Variants in ZNHIT3 observed in about 807,000 individuals in gnomAD.
The protein encoded by ZNHIT3 is zinc finger HIT-type containing 3, also known as zinc finger HIT domain-containing protein 3.
A neutral mutation model predicts 19.9 loss-of-function variants in ZNHIT3; 27 were observed. The ratio of observed to expected loss-of-function variants is 1.36; its 90% confidence interval spans 1.00 to 1.87. The LOEUF is 1.87. Ranked by LOEUF, ZNHIT3 falls within the 40% of genes most tolerant of loss-of-function variation. The pLI, the probability that ZNHIT3 is intolerant of heterozygous loss-of-function variation, is 0.00. For synonymous variants in ZNHIT3, 81 were observed against 65.7 expected, an observed-to-expected ratio of 1.23 and a Z score of -1.13; for missense variants, 215 against 185.6, an observed-to-expected ratio of 1.16 and a Z score of -0.92.
intron 2 of ZNHIT3, among the ~76,000 whole-genome samples, chr17:36,487,762 G>C (rs570587243): frequency 7.4e-4 from 111 of 150,528 alleles, no homozygotes; most frequent in African/African-American, 2.6e-3. Flanking sequence ...CTGCACTCCA[G>C]CCTGGGCTAC....
At chr17:36,494,999 T>C (rs762946301) in intron 4 of ZNHIT3, among the ~76,000 whole-genome samples, 1 of 152,204 alleles carries the variant, frequency 6.6e-6, no homozygotes, top group African/African-American at 2.4e-5. Context: ...GTCTTACCTT[T>C]CATTTTATAG....
chr17:36,495,211 GTTAA>G lies in ZNHIT3; in HGVS notation c.287-9_287-6del. ...TGAACTCAGACTGGCTTTTTTTCTT[GTTAA>G]TTTTTAGGGGAATCTGCAACATTAA... On this transcript the variant is annotated splice_region_variant and splice_polypyrimidine_tract_variant and intron_variant, in intron 4 of 4. Transcript: ENST00000617429. The G allele has an allele frequency of 6.5e-7, 1 of 1,548,578 alleles. No individual in the cohort carries two copies. Among genetic ancestry groups the G allele is most frequent in the Non-Finnish European group, 8.7e-7 (1 of 1,151,310 alleles).
At chr17:36,492,346 G>T in intron 2 of ZNHIT3, 1 of 161,468 alleles carries the variant, frequency 6.2e-6, no homozygotes, top group Non-Finnish European at 1.3e-5. Context: ...ACATAGTCTT[G>T]CTAGGTTGCC....
intron 3 of ZNHIT3, 131 bp from the exon 4 acceptor site, chr17:36,493,795 T>C (rs2070783237): frequency 1.5e-6 from 1 of 665,638 alleles, no homozygotes; most frequent in Non-Finnish European, 2.7e-6. Context: ...TTTTTGTCTG[T>C]ACCTGCTTGA....
intron 4 of ZNHIT3, among the ~76,000 whole-genome samples, chr17:36,494,701 T>C (rs1296181989): frequency 6.6e-6 from 1 of 152,208 alleles, no homozygotes; most frequent in Non-Finnish European, 1.5e-5. Flanking sequence ...GACTGTGAAG[T>C]ACCATGCAGG....
downstream of ZNHIT3, chr17:36,499,036 T>G: frequency 6.6e-7 from 1 of 1,520,634 alleles, no homozygotes; most frequent in South Asian, 1.2e-5. Context: ...TCCCCAAAAT[T>G]GATCCACTGC....
chr17:36,493,209 C>G, intron 3 of ZNHIT3: 1 of 422,910 alleles, frequency 2.4e-6, no homozygotes, highest in Non-Finnish European at 4.3e-6. Context: ...CTGCTGGTCT[C>G]CCTCCATGAA....
downstream of ZNHIT3, chr17:36,499,296 T>C: frequency 1.7e-6 from 1 of 579,758 alleles, no homozygotes; most frequent in African/African-American, 1.9e-5. Context: ...TTGCTACAAA[T>C]AAGGTTCTAA....
In ZNHIT3 at chr17:36,495,437, G is replaced by A. The variant is rs764628586; in HGVS notation, c.*33G>A. ...TATTGTGCTGCTTGCTCAAGCGTGTGCTTGACTCCTGGAACCTGCCTGCTC... is the reference window on the plus strand; with the variant it reads ...TATTGTGCTGCTTGCTCAAGCGTGTACTTGACTCCTGGAACCTGCCTGCTC... On this transcript the variant is annotated 3_prime_UTR_variant, in exon 5 of 5. Coordinates refer to ENST00000617429, the MANE Select transcript of ZNHIT3 (RefSeq NM_004773.4). The A allele has an allele frequency of 1.3e-6, 2 of 1,542,972 alleles. No homozygotes were observed. The highest frequency in any genetic ancestry group is 4.1e-5 in the Admixed American group (2 of 48,668).
At position 36,495,530 on chromosome 17, in the gene ZNHIT3, G is replaced by C. The variant is rs900499490; in HGVS notation, c.*126G>C. 34 of 1,372,752 alleles carry C rather than the reference G, an allele frequency of 2.5e-5. No homozygotes were observed. Among genetic ancestry groups the C allele is most frequent in the African/African-American group, 2.9e-5 (2 of 67,868 alleles). 85.0% of individuals were successfully genotyped at this position (1,372,752 alleles called of 1,614,324 possible). ...AAAGAGGTTTCCAGGATGCAGATTAGGTCATGCAGGCCTTTACCGGCATTG... is the reference window on the plus strand; with the variant it reads ...AAAGAGGTTTCCAGGATGCAGATTACGTCATGCAGGCCTTTACCGGCATTG... On this transcript the variant is annotated 3_prime_UTR_variant, in exon 5 of 5. Coordinates refer to ENST00000617429, the MANE Select transcript of ZNHIT3 (RefSeq NM_004773.4).
chr17:36,498,493 G>A, downstream of ZNHIT3: 2 of 1,614,060 alleles, frequency 1.2e-6, no homozygotes, highest in Non-Finnish European at 1.7e-6. Flanking sequence ...AGGGAACAGG[G>A]AGCTTGAGAG....
downstream of ZNHIT3, chr17:36,498,939 A>G: frequency 5.9e-6 from 4 of 674,586 alleles, no homozygotes; most frequent in Non-Finnish European, 7.8e-6. Context: ...TACATGAGGA[A>G]TATGAGGCTC....
chr17:36,497,588 A>AC, downstream of ZNHIT3: 1 of 971,954 alleles, frequency 1.0e-6, no homozygotes, highest in Non-Finnish European at 1.2e-6. Context: ...CCTAAACCAA[A>AC]CTTTTTTTTT....
At chr17:36,493,446 C>T (rs955683920) in intron 3 of ZNHIT3, among the ~76,000 whole-genome samples, 1 of 152,252 alleles carries the variant, frequency 6.6e-6, no homozygotes, top group Non-Finnish European at 1.5e-5. Flanking sequence ...AACATTCACT[C>T]CAAAGGCATG....
downstream of ZNHIT3, among the ~76,000 whole-genome samples, chr17:36,497,320 G>GA (rs112241229): frequency 0.095 from 12,602 of 132,378 alleles, 970 homozygotes; most frequent in African/African-American, 0.22. Flanking sequence ...TAAATAACAT[G>GA]AAAAAAAAAA....
At chr17:36,496,129 G>A (rs181750838), downstream of ZNHIT3, 199 of 1,343,524 alleles carry the variant, frequency 1.5e-4, no homozygotes, top group South Asian at 3.9e-4. Context: ...GGCTGGAGCC[G>A]TCACTGTTGT....
Position 36,495,337 on chromosome 17 carries a change from CTT to C in ZNHIT3, c.403_404del (p.Leu135ValfsTer18). 6.2e-7 allele frequency: 1 copy of C among 1,613,490 alleles called. No individual in the cohort carries two copies. The highest frequency in any genetic ancestry group is 8.5e-7 in the Non-Finnish European group (1 of 1,179,904). On this transcript the variant is annotated frameshift_variant, in exon 5 of 5. Transcript: ENST00000617429. LOFTEE classifies it high-confidence loss of function. ...CTCATGAGAGCTTACATGCAAGAGC[CTT>C]TGTTTGTGGAGTTTGCAGACTGCTG...
At chr17:36,496,314 C>A, downstream of ZNHIT3, 2 of 1,614,010 alleles carry the variant, frequency 1.2e-6, no homozygotes, top group South Asian at 2.2e-5. Context: ...CCAGCAGAAT[C>A]TGATTAAAGC....
At chr17:36,498,518 C>A (rs765235260), downstream of ZNHIT3, 29 of 1,613,972 alleles carry the variant, frequency 1.8e-5, no homozygotes, top group East Asian at 6.5e-4. Flanking sequence ...GTTTTTCTTC[C>A]ACACCATCCA....
Sources: gnomAD v4.1 joint callset for allele counts (sites outside exome capture counted in the v4.1 genomes callset) on GRCh38, gnomAD v4.1.1 for gene constraint, MANE v1.5 for transcripts, NCBI Gene and HGNC (gene_info 2026-07-23, HGNC 2026-07-21) for gene names.